Variants in ZNF208 observed in about 807,000 individuals in gnomAD.
ZNF208 encodes zinc finger protein 208, also known as zinc finger protein 95.
In ZNF208, 10 loss-of-function variants were observed where a neutral mutation model predicts 12.1. The ratio of observed to expected loss-of-function variants is 0.83; its 90% CI spans 0.51 to 1.40. The LOEUF (loss-of-function observed/expected upper bound fraction) is 1.40, where lower values mean the gene tolerates loss of function less well. Among genes scored for constraint, ZNF208 ranks in the 40% most tolerant of loss-of-function variants. The probability of loss-of-function intolerance (pLI) is 0.00; values close to 1 mark genes in which losing one functional copy is unlikely to be tolerated. For missense variants in ZNF208, 1,652 were observed against 1,485.0 expected (o/e 1.11, Z -1.85); for synonymous variants, 497 against 488.4 (o/e 1.02, Z -0.23).
Position 21,969,732 on chromosome 19 carries a change from T to C in ZNF208, c.*1459A>G, listed in dbSNP as rs754628358. Among the ~76,000 whole-genome samples, 1 of 138,018 alleles carries C rather than the reference T, an allele frequency of 7.2e-6. No homozygotes were observed. Among genetic ancestry groups the C allele is most frequent in the African/African-American group, 2.5e-5 (1 of 40,556 alleles). 90.5% of individuals were successfully genotyped at this position (138,018 alleles called of 152,430 possible). Reference sequence around the variant, plus strand: ...ATAAAATCTGTGATACAAGTACATGTACTACAACCCTCTTAATATTTATAA... The same window carrying C: ...ATAAAATCTGTGATACAAGTACATGCACTACAACCCTCTTAATATTTATAA... On this transcript the variant is annotated 3_prime_UTR_variant, in exon 4 of 4. Coordinates refer to ENST00000397126, the MANE Select transcript of ZNF208 (RefSeq NM_007153.3).
Position 21,974,431 on chromosome 19 carries a change from G to A in ZNF208, c.603C>T (p.Tyr201=). The A allele has an allele frequency of 6.2e-7, 1 of 1,613,796 alleles. No homozygotes were observed. The highest frequency in any genetic ancestry group is 1.3e-5 in the African/African-American group (1 of 75,030). Residue 201 remains tyrosine, a synonymous_variant, in exon 4 of 4, where the codon TAC becomes TAT. Coordinates refer to ENST00000397126, the MANE Select transcript of ZNF208 (RefSeq NM_007153.3). ...HKRIYTRENS[Y]KCEEGGKAFN... ...AAGCTTTGCCACCTTCTTCACATTT[G>A]TAGGAATTCTCTCTAGTATAAATTC...
intron 1 of ZNF208, chr19:21,998,219 A>T (rs1970876963): frequency 7.1e-6 from 1 of 141,306 alleles, no homozygotes; most frequent in Admixed American, 7.7e-5. Context: ...CAGTGGCGCG[A>T]TCTCGGCTCA....
At chr19:22,007,286 G>A (rs192989141) in intron 1 of ZNF208, among the ~76,000 whole-genome samples, 323 of 151,522 alleles carry the variant, frequency 2.1e-3, no homozygotes, top group Admixed American at 4.3e-3. Flanking sequence ...TTAGGAGGCC[G>A]AGGCAGGTGG....
intron 4 of ZNF208, among the ~76,000 whole-genome samples, chr19:21,951,256 C>A (rs1056081539): frequency 6.6e-6 from 1 of 152,100 alleles, no homozygotes. Flanking sequence ...TTTATCTGCT[C>A]CTAGCACATA....
At chr19:21,958,019 T>C (rs1401278402) in intron 4 of ZNF208, among the ~76,000 whole-genome samples, 1 of 151,948 alleles carries the variant, frequency 6.6e-6, no homozygotes, top group East Asian at 1.9e-4. Context: ...CGGAGTGTGA[T>C]GTTTCCCTTC....
At chr19:21,994,960 T>TTG (rs1970805896) in intron 1 of ZNF208, among the ~76,000 whole-genome samples, 1 of 151,006 alleles carries the variant, frequency 6.6e-6, no homozygotes, top group African/African-American at 2.4e-5. Context: ...TTTTCTTTTT[T>TTG]TTTTTTTTTG....
chr19:21,977,814 G>A (rs1361722151), intron 3 of ZNF208, among the ~76,000 whole-genome samples: 1 of 152,214 alleles, frequency 6.6e-6, no homozygotes, highest in Non-Finnish European at 1.5e-5. Flanking sequence ...AGGGAGCCCA[G>A]CCGGCTAAGA....
At position 21,974,138 on chromosome 19, in the gene ZNF208, G is replaced by A; in HGVS notation, c.896C>T (p.Thr299Ile). Residue 299 changes from threonine to isoleucine, a missense_variant, in exon 4 of 4, where the codon ACT (threonine) becomes ATT (isoleucine). Transcript: ENST00000397126. ...ATGAATTGCCTTATGTGTAGTAAGAGTCGAGACCTTACTAAAGGCTTTGCC... is the reference window on the plus strand; with the variant it reads ...ATGAATTGCCTTATGTGTAGTAAGAATCGAGACCTTACTAAAGGCTTTGCC... The part of the protein sequence containing the change: ...ECGKAFSKVS[T>I]LTTHKAIHAG... The A allele has an allele frequency of 6.2e-7, 1 of 1,607,332 alleles. No homozygotes were observed. Among genetic ancestry groups the A allele is most frequent in the Non-Finnish European group, 8.5e-7 (1 of 1,177,312 alleles).
At position 21,970,592 on chromosome 19, in the gene ZNF208, A is replaced by T; in HGVS notation, c.*599T>A. 2 of 865,142 alleles carry T rather than the reference A, an allele frequency of 2.3e-6. No individual in the cohort carries two copies. Among genetic ancestry groups the T allele is most frequent in the South Asian group, 2.7e-5 (2 of 73,752 alleles). The allele number at this position is 865,142 out of a possible 1,614,324, so 53.6% of individuals were successfully genotyped here. On this transcript the variant is annotated 3_prime_UTR_variant, in exon 4 of 4. Coordinates refer to ENST00000397126, the MANE Select transcript of ZNF208 (RefSeq NM_007153.3). ...GAGGACCAGTTGAAGTCTTTATCAC[A>T]TTCTTCACATTTGTAGGGCTTCTCA... is the stretch of plus-strand genomic sequence containing the variant.
chr19:21,971,578 C>A lies in ZNF208; in HGVS notation c.3456G>T (p.Trp1152Cys), dbSNP rs752664452. ...TCTTATGATAACTAAGGGTTGAGGACCACTTATAGGCTTTGCCACATTCTT... is the reference window on the plus strand; with the variant it reads ...TCTTATGATAACTAAGGGTTGAGGAACACTTATAGGCTTTGCCACATTCTT... ...KCEECGKAYK[W>C]SSTLSYHKKI... The change falls in exon 4 of 4, where the codon TGG (tryptophan) becomes TGT (cysteine). Residue 1152 changes from tryptophan (W) to cysteine (C), a missense_variant. Trp to Cys is a radical substitution (Grantham distance 215, BLOSUM62 -2). Around this residue, in one of 3 missense-constraint regions of ZNF208, gnomAD observed 1,239 missense variants for 1,086.2 expected, o/e 1.14. Transcript: ENST00000397126. 4 of 1,610,906 alleles carry A rather than the reference C, an allele frequency of 2.5e-6. No individual in the cohort carries two copies. The highest frequency in any genetic ancestry group is 3.4e-6 in the Non-Finnish European group (4 of 1,179,696).
chr19:21,971,796 C>G lies in ZNF208; in HGVS notation c.3238G>C (p.Ala1080Pro), dbSNP rs879020705. 2.3e-5 allele frequency: 37 copies of G among 1,605,128 alleles called. No homozygotes were observed. Among genetic ancestry groups the G allele is most frequent in the Non-Finnish European group, 3.1e-5 (36 of 1,177,372 alleles). Reference protein sequence around the residue: ...SRLTEHKATHAGEEPYKCEEC... With the variant: ...SRLTEHKATHPGEEPYKCEEC... Reference sequence around the variant, plus strand: ...TCACATTTGTAGGGTTCCTCTCCAGCATGAGTTGCCTTATGTTCAGTAAGT... The same window carrying G: ...TCACATTTGTAGGGTTCCTCTCCAGGATGAGTTGCCTTATGTTCAGTAAGT... The change falls in exon 4 of 4, where the codon GCT becomes CCT. Residue 1080 changes from alanine to proline, a missense_variant. Around this residue, in one of 3 missense-constraint regions of ZNF208, gnomAD observed 1,239 missense variants for 1,086.2 expected, o/e 1.14. Transcript: ENST00000397126.
rs377501996 is a variant in ZNF208, at chr19:21,961,082, TACC to T, written c.305+13644_305+13646del. Among the ~76,000 whole-genome samples, 32 of 152,348 alleles carry T rather than the reference TACC, an allele frequency of 2.1e-4. No homozygotes were observed. In the East Asian group the frequency reaches 6.2e-3, roughly 29 times the overall value. On this transcript the variant is annotated intron_variant, in intron 4 of 4. Transcript: ENST00000599916. ...CCTTTTGTAGATGTTCTGAATTGTGTACCAGAAGTCAATTGTTATTGGGGGAAC... is the reference window on the plus strand; with the variant it reads ...CCTTTTGTAGATGTTCTGAATTGTGTAGAAGTCAATTGTTATTGGGGGAAC...
At chr19:21,989,892 T>C (rs201685312) in intron 1 of ZNF208, among the ~76,000 whole-genome samples, 1 of 152,234 alleles carries the variant, frequency 6.6e-6, no homozygotes. Flanking sequence ...TTTGGAGAAG[T>C]GTCTGTTCAT....
chr19:21,956,584 A>C (rs1568436004), intron 4 of ZNF208, among the ~76,000 whole-genome samples: 4 of 152,166 alleles, frequency 2.6e-5, no homozygotes, highest in Admixed American at 1.3e-4. Flanking sequence ...GTTCAATCTC[A>C]GACTGCTGTG....
At chr19:21,980,615 G>A (rs1216154909) in intron 3 of ZNF208, among the ~76,000 whole-genome samples, 1 of 152,078 alleles carries the variant, frequency 6.6e-6, no homozygotes, top group Non-Finnish European at 1.5e-5. Context: ...AAGAAAGCAA[G>A]ACAGATCTAA....
intron 1 of ZNF208, among the ~76,000 whole-genome samples, chr19:21,993,998 T>TGTTATTAG (rs1189309682): frequency 1.3e-5 from 2 of 152,238 alleles, no homozygotes; most frequent in Admixed American, 6.5e-5. Context: ...ACCCTTTCAG[T>TGTTATTAG]TGATACTAAG....
downstream of ZNF208, among the ~76,000 whole-genome samples, chr19:21,963,171 C>CT (rs1970106827): frequency 6.6e-6 from 1 of 151,982 alleles, no homozygotes; most frequent in Non-Finnish European, 1.5e-5. Context: ...GGTGATACTC[C>CT]TGTGCCAAAA....
rs1970218209 is a variant in ZNF208 at position 21,968,706 on chromosome 19, A to T, written c.*2485T>A. On this transcript the variant is annotated 3_prime_UTR_variant, in exon 4 of 4. Transcript: ENST00000397126. ...TCATATATTTCACTGATTTAATATA[A>T]CAAGTTAGGGTGAAATCCCACCTTG... Among the ~76,000 whole-genome samples the T allele has an allele frequency of 6.6e-6, 1 of 152,128 alleles. No individual in the cohort carries two copies. Among genetic ancestry groups the T allele is most frequent in the African/African-American group, 2.4e-5 (1 of 41,440 alleles).
chr19:21,964,602 T>G (rs1970132667), downstream of ZNF208, among the ~76,000 whole-genome samples: 1 of 151,774 alleles, frequency 6.6e-6, no homozygotes, highest in South Asian at 2.1e-4. Flanking sequence ...GTAAATGGAT[T>G]CTAACAATGA....
Sources: allele counts gnomAD v4.1 joint callset (sites outside exome capture counted in the v4.1 genomes callset), GRCh38; gene constraint gnomAD v4.1.1; regional missense constraint gnomAD v4.1.1; transcripts MANE v1.5; gene names NCBI Gene and HGNC (gene_info 2026-07-23, HGNC 2026-07-21).